ALMS1: variants seen among roughly 807,000 people sequenced by gnomAD.
ALMS1 encodes centrosome-associated protein ALMS1.
ALMS1 carries 271 observed loss-of-function variants against 352.2 expected under a neutral mutation model. The observed-to-expected ratio is 0.77, with a 90% CI of 0.70 to 0.85. The LOEUF (loss-of-function observed/expected upper bound fraction) is 0.85, where lower values mean the gene tolerates loss of function less well. Ranked by LOEUF, ALMS1 falls within the 40% of genes least tolerant of loss-of-function variation. The probability of loss-of-function intolerance (pLI) is 0.00; values close to 1 mark genes in which losing one functional copy is unlikely to be tolerated. For missense variants in ALMS1, 5,445 were observed against 4,870.7 expected (o/e 1.12, Z -3.51); for synonymous variants, 1,865 against 1,761.2 (o/e 1.06, Z -1.48).
At chr2:73,495,177 C>A (rs987079111) in intron 10 of ALMS1, among the ~76,000 whole-genome samples, 1 of 152,242 alleles carries the variant, frequency 6.6e-6, no homozygotes, top group East Asian at 1.9e-4. Flanking sequence ...TGTACCCTGC[C>A]CCAGAGCTGG....
chr2:73,395,076 A>AT lies in ALMS1; in HGVS notation c.324+8885dup, dbSNP rs1343952124. 5.1e-3 allele frequency among the ~76,000 whole-genome samples: 549 copies of AT among 108,258 alleles called. 44 individuals carry two copies. The highest frequency in any genetic ancestry group is 0.02 in the African/African-American group (464 of 22,774). The allele number at this position is 108,258 out of a possible 152,430, so 71.0% of individuals were successfully genotyped here. A position where few individuals can be genotyped will look rare whatever the true frequency, so the allele number is the denominator to read the frequency against. ...TATATATGTGTATATATATATATAT[A>AT]TATTTTTTTTTTTTTTTTTTTTTGA... On this transcript the variant is annotated intron_variant, in intron 1 of 22. Coordinates refer to ENST00000613296, the MANE Select transcript of ALMS1 (RefSeq NM_001378454.1).
chr2:73,391,010 A>G (rs1343668179), intron 1 of ALMS1, among the ~76,000 whole-genome samples: 4 of 151,962 alleles, frequency 2.6e-5, no homozygotes, highest in Non-Finnish European at 5.9e-5. Context: ...ACCTCAGGTT[A>G]TCCACCCGCC....
At chr2:73,508,113 CTCTTT>C (rs1043277145) in intron 10 of ALMS1, among the ~76,000 whole-genome samples, 3 of 150,666 alleles carry the variant, frequency 2.0e-5, no homozygotes, top group East Asian at 1.9e-4. Context: ...CTTTTCTTTT[CTCTTT>C]TCTTTTCCTT....
intron 10 of ALMS1, among the ~76,000 whole-genome samples, chr2:73,494,579 CTT>C (rs148428421): frequency 6.6e-6 from 1 of 152,064 alleles, no homozygotes; most frequent in Non-Finnish European, 1.5e-5. Flanking sequence ...GTTTCCCAGT[CTT>C]TTTTTGTCTT....
At chr2:73,485,051 GT>G (rs1406256755) in intron 9 of ALMS1, among the ~76,000 whole-genome samples, 1 of 152,008 alleles carries the variant, frequency 6.6e-6, no homozygotes, top group African/African-American at 2.4e-5. Flanking sequence ...TAATTTGATC[GT>G]CTGAAGCCTT....
intron 2 of ALMS1, among the ~76,000 whole-genome samples, chr2:73,413,135 A>T (rs1261947690): frequency 6.6e-6 from 1 of 151,806 alleles, no homozygotes; most frequent in African/African-American, 2.4e-5. Context: ...CTTCAGTGAG[A>T]GATCTGTTAA....
Position 73,603,254 on chromosome 2 carries a change from C to G in ALMS1, c.12312C>G (p.Ile4104Met), listed in dbSNP as rs761844893. The change falls in exon 21 of 23, where the codon ATC becomes ATG. Residue 4104 changes from isoleucine (I) to methionine (M), a missense_variant. Transcript: ENST00000613296. ...TCTCTTGCCTAGTCTTCCTGGCTAT[C>G]CAGAAGAACAAGCCTATCAGCAAGA... ...CPLPKRVFLAIQKNKPISKKE... is the reference protein window; with the variant it reads ...CPLPKRVFLAMQKNKPISKKE... 6.2e-7 allele frequency: 1 copy of G among 1,614,076 alleles called. No individual in the cohort carries two copies. Among genetic ancestry groups the G allele is most frequent in the East Asian group, 2.2e-5 (1 of 44,880 alleles).
At chr2:73,573,904 G>T (rs543642316) in intron 16 of ALMS1, among the ~76,000 whole-genome samples, 10 of 151,906 alleles carry the variant, frequency 6.6e-5, no homozygotes, top group African/African-American at 2.4e-4. Flanking sequence ...TGAAGCTGGG[G>T]TGAGCTACAA....
At chr2:73,503,419 G>T (rs1673257301) in intron 10 of ALMS1, among the ~76,000 whole-genome samples, 1 of 152,112 alleles carries the variant, frequency 6.6e-6, no homozygotes, top group Admixed American at 6.5e-5. Flanking sequence ...CCCTACAAAG[G>T]ACATGAACTC....
chr2:73,534,715 A>G, intron 11 of ALMS1, 109 bp from the exon 12 acceptor site: 1 of 1,209,174 alleles, frequency 8.3e-7, no homozygotes, highest in Non-Finnish European at 1.2e-6. Context: ...GTTTACTCAT[A>G]AATTCCAAAA....
At chr2:73,540,501 A>C (rs913398648) in intron 12 of ALMS1, among the ~76,000 whole-genome samples, 14 of 152,232 alleles carry the variant, frequency 9.2e-5, no homozygotes, top group Admixed American at 9.2e-4. Context: ...TCACGATGAC[A>C]GGATCAAATT....
intron 16 of ALMS1, among the ~76,000 whole-genome samples, chr2:73,591,515 G>T (rs774639496): frequency 6.6e-6 from 1 of 152,150 alleles, no homozygotes; most frequent in African/African-American, 2.4e-5. Context: ...CAAAACAACT[G>T]AAATAACATA....
intron 12 of ALMS1, among the ~76,000 whole-genome samples, chr2:73,541,170 G>A (rs557742906): frequency 8.5e-5 from 13 of 152,288 alleles, no homozygotes; most frequent in African/African-American, 2.2e-4. Flanking sequence ...ATAACAAACT[G>A]TCTCTCAGAC....
chr2:73,595,726 G>A (rs1675533657), intron 16 of ALMS1, among the ~76,000 whole-genome samples: 1 of 152,194 alleles, frequency 6.6e-6, no homozygotes, highest in Admixed American at 6.5e-5. Flanking sequence ...TTCCAGAGTG[G>A]CTGTATCATT....
intron 3 of ALMS1, among the ~76,000 whole-genome samples, chr2:73,420,933 A>C (rs1247861767): frequency 6.6e-6 from 1 of 152,220 alleles, no homozygotes; most frequent in African/African-American, 2.4e-5. Flanking sequence ...AGAGGGATGC[A>C]AGCCAGTAAC....
At chr2:73,597,062 G>T (rs1675568312) in intron 16 of ALMS1, among the ~76,000 whole-genome samples, 1 of 151,736 alleles carries the variant, frequency 6.6e-6, no homozygotes, top group Non-Finnish European at 1.5e-5. Flanking sequence ...TCCATGTATG[G>T]TGAGTGTCTC....
At chr2:73,477,461 T>C (rs1438226547) in intron 9 of ALMS1, among the ~76,000 whole-genome samples, 3 of 151,918 alleles carry the variant, frequency 2.0e-5, no homozygotes, top group Non-Finnish European at 4.4e-5. Flanking sequence ...TTATTTTGGC[T>C]GTTCTGGGTT....
chr2:73,424,589 T>G lies in ALMS1; in HGVS notation c.924T>G (p.Ser308=). Residue 308 remains serine, a synonymous_variant, in exon 5 of 23, where the codon TCT becomes TCG. Transcript: ENST00000613296. The part of the protein sequence containing the change: ...HPLIGSTAVG[S]QCPFLPSEQG... ...TTATAGGCAGCACAGCTGTTGGGTC[T>G]CAGTGCCCTTTTTTACCTTCTGAAC... 1 of 1,614,038 alleles carries G rather than the reference T, an allele frequency of 6.2e-7. No individual in the cohort carries two copies. Among genetic ancestry groups the G allele is most frequent in the African/African-American group, 1.3e-5 (1 of 75,050 alleles).
intron 21 of ALMS1, among the ~76,000 whole-genome samples, chr2:73,604,179 G>T (rs1224645267): frequency 6.6e-6 from 1 of 152,112 alleles, no homozygotes; most frequent in Non-Finnish European, 1.5e-5. Context: ...TAGATTTTTT[G>T]ACTTTTTATA....
Sources: gnomAD v4.1 joint callset for allele counts (sites outside exome capture counted in the v4.1 genomes callset) on GRCh38, gnomAD v4.1.1 for gene constraint, MANE v1.5 for transcripts, NCBI Gene and HGNC (gene_info 2026-07-23, HGNC 2026-07-21) for gene names.